Variants in STK33 observed in about 807,000 individuals in gnomAD.
The protein encoded by STK33 is serine/threonine kinase 33, also known as serine/threonine-protein kinase 33.
A neutral mutation model predicts 58.0 loss-of-function variants in STK33; 52 were observed. The ratio of observed to expected loss-of-function variants is 0.90; its 90% confidence interval spans 0.72 to 1.13. The LOEUF is 1.13. Among genes scored for constraint, STK33 ranks in the 50% most tolerant of loss-of-function variants. The pLI is 0.00. For synonymous variants in STK33, 215 were observed against 200.1 expected (o/e 1.07, Z -0.63); for missense variants, 630 against 604.2 (o/e 1.04, Z -0.45).
chr11:8,563,103 C>CTA (rs1248740240), intron 1 of STK33, among the ~76,000 whole-genome samples: 2 of 152,050 alleles, frequency 1.3e-5, no homozygotes, highest in Non-Finnish European at 2.9e-5. Flanking sequence ...AAGTCGCCTC[C>CTA]CATAGTGACA....
chr11:8,376,670 T>C, the STK33 span, among the ~76,000 whole-genome samples: 1 of 152,006 alleles, frequency 6.6e-6, no homozygotes, highest in African/African-American at 2.4e-5. Flanking sequence ...GCCTCCTGAG[T>C]AGCTGGGACT....
chr11:8,463,610 A>C (rs1947832829), intron 7 of STK33, among the ~76,000 whole-genome samples: 1 of 152,152 alleles, frequency 6.6e-6, no homozygotes, highest in Admixed American at 6.5e-5. Context: ...AATTTCTCCT[A>C]ATATCCATCT....
chr11:8,582,183 T>G (rs2030453896), intron 1 of STK33, among the ~76,000 whole-genome samples: 1 of 152,214 alleles, frequency 6.6e-6, no homozygotes, highest in Non-Finnish European at 1.5e-5. Flanking sequence ...AGAGCTGTAT[T>G]TTTAAAAAAA....
chr11:8,578,789 T>C lies in STK33; in HGVS notation c.-466+15294A>G, dbSNP rs56081929. On this transcript the variant is annotated intron_variant, in intron 1 of 15. Coordinates refer to ENST00000687296, the MANE Select transcript of STK33 (RefSeq NM_001352389.2). ...AAACTAATTAAACTTTAAAAGAATA[T>C]ATAGGGTAATAATTATATGCAGAGG... Among the ~76,000 whole-genome samples, 1,242 of 152,028 alleles carry C rather than the reference T, an allele frequency of 8.2e-3. 24 individuals are homozygous for C. Among genetic ancestry groups the C allele is most frequent in the African/African-American group, 0.028 (1,150 of 41,534 alleles).
At chr11:8,532,056 T>C (rs1357237164) in intron 1 of STK33, among the ~76,000 whole-genome samples, 1 of 152,224 alleles carries the variant, frequency 6.6e-6, no homozygotes, top group Non-Finnish European at 1.5e-5. Context: ...AGTGTAATAT[T>C]ATTTAAACCA....
At chr11:8,404,217 T>C (rs1034211124) in intron 15 of STK33, among the ~76,000 whole-genome samples, 1 of 152,224 alleles carries the variant, frequency 6.6e-6, no homozygotes, top group Admixed American at 6.5e-5. Context: ...GGGTCTTGTG[T>C]GGAGTCAACA....
chr11:8,444,682 G>C (rs962193836), intron 11 of STK33, among the ~76,000 whole-genome samples: 2 of 151,850 alleles, frequency 1.3e-5, no homozygotes, highest in Admixed American at 6.6e-5. Flanking sequence ...TGAAACTGAA[G>C]TCTCAATAAA....
intron 1 of STK33, among the ~76,000 whole-genome samples, chr11:8,523,554 C>T (rs567052750): frequency 3.9e-5 from 6 of 152,062 alleles, no homozygotes; most frequent in Non-Finnish European, 7.4e-5. Context: ...AGCCCCTCCA[C>T]CCGGCAGCCG....
intron 1 of STK33, among the ~76,000 whole-genome samples, chr11:8,538,695 T>C (rs1266489602): frequency 3.3e-5 from 5 of 152,242 alleles, no homozygotes; most frequent in Non-Finnish European, 7.3e-5. Context: ...CCTAACAAGA[T>C]GTGTTCTTTC....
intron 15 of STK33, among the ~76,000 whole-genome samples, chr11:8,395,662 T>C (rs1393576583): frequency 2.0e-5 from 3 of 152,242 alleles, no homozygotes; most frequent in Non-Finnish European, 4.4e-5. Context: ...TTTTTCTGGC[T>C]ATGCAATATT....
intron 15 of STK33, among the ~76,000 whole-genome samples, chr11:8,413,181 A>T (rs549139410): frequency 2.8e-3 from 424 of 152,302 alleles, no homozygotes; most frequent in African/African-American, 8.9e-3. Flanking sequence ...GGCTGTTTTC[A>T]CGCTACAACG....
chr11:8,543,747 ATAAT>A (rs1955698198), intron 1 of STK33, among the ~76,000 whole-genome samples: 1 of 152,242 alleles, frequency 6.6e-6, no homozygotes, highest in Admixed American at 6.5e-5. Context: ...AACTAAAAGT[ATAAT>A]TAGATTATCT....
the STK33 span, among the ~76,000 whole-genome samples, chr11:8,351,246 G>A: frequency 6.6e-6 from 1 of 151,926 alleles, no homozygotes; most frequent in Non-Finnish European, 1.5e-5. Context: ...CCTGAATCTG[G>A]CCTTACCCAA....
chr11:8,388,383 CG>C (rs1238635920), downstream of STK33, among the ~76,000 whole-genome samples: 2 of 152,228 alleles, frequency 1.3e-5, no homozygotes, highest in African/African-American at 2.4e-5. Context: ...GCCGCAGATG[CG>C]GCCTCGCTTT....
In STK33 at chr11:8,593,728, T is replaced by C. The variant is rs1040034150; in HGVS notation, c.-466+355A>G. 8.5e-5 allele frequency: 13 copies of C among 152,316 alleles called. 1 individual carries two copies. The highest frequency in any genetic ancestry group is 2.4e-4 in the African/African-American group (10 of 41,568). 9.4% of individuals were successfully genotyped at this position (152,316 alleles called of 1,614,324 possible). On this transcript the variant is annotated intron_variant, in intron 1 of 15. Transcript: ENST00000687296. Reference sequence around the variant, plus strand: ...CACAACTTCAGAACTTCTAAGGATGTTTCCCACACACTTACCCCACAGTAA... The same window carrying C: ...CACAACTTCAGAACTTCTAAGGATGCTTCCCACACACTTACCCCACAGTAA...
At chr11:8,479,528 T>C (rs1304668717) in intron 2 of STK33, among the ~76,000 whole-genome samples, 2 of 151,694 alleles carry the variant, frequency 1.3e-5, no homozygotes, top group Non-Finnish European at 2.9e-5. Flanking sequence ...ATATCAGTCT[T>C]TTCTCCCTCT....
intron 11 of STK33, among the ~76,000 whole-genome samples, chr11:8,441,216 A>G (rs189684839): frequency 3.1e-4 from 47 of 152,350 alleles, no homozygotes; most frequent in African/African-American, 1.0e-3. Context: ...CATCACTCCT[A>G]TAACAGAATA....
intron 1 of STK33, among the ~76,000 whole-genome samples, chr11:8,531,718 G>A (rs1202622469): frequency 2.6e-5 from 4 of 152,182 alleles, no homozygotes. Context: ...ACCAGCCTTG[G>A]AAGTCAGCAT....
intron 1 of STK33, among the ~76,000 whole-genome samples, chr11:8,502,951 G>T (rs1204124223): frequency 6.6e-6 from 1 of 152,102 alleles, no homozygotes; most frequent in Non-Finnish European, 1.5e-5. Context: ...AGTCAGAATG[G>T]CTATTTTTGA....
Sources: gnomAD v4.1 joint callset for allele counts (sites outside exome capture counted in the v4.1 genomes callset) on GRCh38, gnomAD v4.1.1 for gene constraint, MANE v1.5 for transcripts, NCBI Gene and HGNC (gene_info 2026-07-23, HGNC 2026-07-21) for gene names.